DPP6: variants seen among roughly 807,000 people sequenced by gnomAD.
DPP6 encodes A-type potassium channel modulatory protein DPP6.
In DPP6, 69 loss-of-function variants were observed where a neutral mutation model predicts 122.6. The ratio of observed to expected loss-of-function variants is 0.56; its 90% CI spans 0.46 to 0.69. The LOEUF is 0.69. Among genes scored for constraint, DPP6 ranks in the 30% least tolerant of loss-of-function variants. The probability of loss-of-function intolerance (pLI) is 0.00; values close to 1 mark genes in which losing one functional copy is unlikely to be tolerated. For missense variants in DPP6, 928 were observed against 1,116.9 expected (o/e 0.83, Z 2.41); for synonymous variants, 418 against 433.1 (o/e 0.97, Z 0.43).
intron 1 of DPP6, among the ~76,000 whole-genome samples, chr7:153,900,517 C>G (rs1799600547): frequency 6.6e-6 from 1 of 152,110 alleles, no homozygotes; most frequent in African/African-American, 2.4e-5. Context: ...GTAGAAATCA[C>G]ATGGCCATAG....
chr7:154,497,721 T>G (rs551641694), intron 3 of DPP6, among the ~76,000 whole-genome samples: 5 of 152,118 alleles, frequency 3.3e-5, no homozygotes, highest in African/African-American at 1.2e-4. Context: ...ATAGAATAAA[T>G]GTATGCCCAT....
At chr7:154,354,145 A>G (rs1245616545) in intron 1 of DPP6, among the ~76,000 whole-genome samples, 2 of 152,276 alleles carry the variant, frequency 1.3e-5, no homozygotes, top group Middle Eastern at 3.4e-3. Flanking sequence ...ACGCCTGGGG[A>G]AGTATCACTG....
At chr7:153,953,832 C>T (rs1026499797) in intron 1 of DPP6, among the ~76,000 whole-genome samples, 1 of 152,152 alleles carries the variant, frequency 6.6e-6, no homozygotes, top group Non-Finnish European at 1.5e-5. Flanking sequence ...GGCACACATA[C>T]AAAGACATTT....
At chr7:153,790,790 T>C in the DPP6 span, among the ~76,000 whole-genome samples, 1 of 152,210 alleles carries the variant, frequency 6.6e-6, no homozygotes, top group Non-Finnish European at 1.5e-5. Flanking sequence ...CCTCATAGTG[T>C]TATAAAGCTC....
At chr7:154,140,661 G>C (rs1450132277) in intron 1 of DPP6, among the ~76,000 whole-genome samples, 1 of 152,100 alleles carries the variant, frequency 6.6e-6, no homozygotes, top group African/African-American at 2.4e-5. Context: ...GCTTATTATA[G>C]AGCCAGTCTA....
At chr7:153,845,187 T>C in the DPP6 span, among the ~76,000 whole-genome samples, 2 of 152,190 alleles carry the variant, frequency 1.3e-5, no homozygotes, top group African/African-American at 4.8e-5. Flanking sequence ...ATATTAAGAA[T>C]GCTTATAGGT....
chr7:154,800,004 A>G (rs1329170816), intron 12 of DPP6, among the ~76,000 whole-genome samples: 1 of 152,210 alleles, frequency 6.6e-6, no homozygotes, highest in Non-Finnish European at 1.5e-5. Context: ...GCCAGAATTA[A>G]TTATTTATTA....
At chr7:154,589,603 T>C (rs1832683687) in intron 5 of DPP6, among the ~76,000 whole-genome samples, 1 of 152,268 alleles carries the variant, frequency 6.6e-6, no homozygotes, top group Admixed American at 6.5e-5. Context: ...ATGGGGAATG[T>C]GGCTGGTCTG....
At chr7:154,198,875 G>A (rs897067811) in intron 1 of DPP6, among the ~76,000 whole-genome samples, 6 of 152,122 alleles carry the variant, frequency 3.9e-5, no homozygotes, top group African/African-American at 7.2e-5. Flanking sequence ...GGTAAAACCC[G>A]GCTGTGTTAG....
At chr7:154,441,523 A>G (rs920535620) in intron 1 of DPP6, among the ~76,000 whole-genome samples, 1 of 152,146 alleles carries the variant, frequency 6.6e-6, no homozygotes, top group African/African-American at 2.4e-5. Context: ...TAGAGTTCTC[A>G]TTTGAATCTT....
In DPP6 at chr7:154,481,243, T is replaced by C. The variant is rs192872097; in HGVS notation, c.457+6206T>C. The stretch of plus-strand genomic sequence containing the variant: ...TCACTTTGTACTCCCTGAGGGGAAA[T>C]AATTCACCCCCACAATGTTAGGTAT... On this transcript the variant is annotated intron_variant, in intron 3 of 25. Transcript: ENST00000377770. The surrounding 1 kb of genome is among the most constrained non-coding windows in gnomAD (Gnocchi z 4.2). Among the ~76,000 whole-genome samples, 1 of 152,196 alleles carries C rather than the reference T, an allele frequency of 6.6e-6. No individual in the cohort carries two copies. The highest frequency in any genetic ancestry group is 1.9e-4 in the East Asian group (1 of 5,182).
At chr7:154,753,687 G>A (rs1297017029) in intron 8 of DPP6, among the ~76,000 whole-genome samples, 7 of 152,134 alleles carry the variant, frequency 4.6e-5, no homozygotes, top group Non-Finnish European at 8.8e-5. Flanking sequence ...TCCGTAACCC[G>A]GGAAATTTTG....
chr7:154,620,198 T>TCC, intron 5 of DPP6, among the ~76,000 whole-genome samples: 1 of 151,974 alleles, frequency 6.6e-6, no homozygotes, highest in South Asian at 2.1e-4. Context: ...TTTTTAACTC[T>TCC]GGGAAAATGT....
chr7:154,730,052 G>T (rs1490501907), intron 8 of DPP6, among the ~76,000 whole-genome samples: 1 of 152,180 alleles, frequency 6.6e-6, no homozygotes, highest in Non-Finnish European at 1.5e-5. Flanking sequence ...GAGCCTCTGG[G>T]GCTTGCCTGC....
At chr7:154,170,770 A>G (rs1585543439) in intron 1 of DPP6, among the ~76,000 whole-genome samples, 1 of 152,074 alleles carries the variant, frequency 6.6e-6, no homozygotes, top group African/African-American at 2.4e-5. Context: ...AACATACTAC[A>G]TTTTTTTCTT....
At chr7:153,948,797 A>G (rs779155197) in intron 1 of DPP6, among the ~76,000 whole-genome samples, 4 of 146,358 alleles carry the variant, frequency 2.7e-5, no homozygotes, top group Admixed American at 7.0e-5. Flanking sequence ...TATTTCCTTC[A>G]AGCAGTAATC....
intron 6 of DPP6, among the ~76,000 whole-genome samples, chr7:154,661,934 G>A (rs1348726053): frequency 1.4e-4 from 20 of 144,848 alleles, no homozygotes; most frequent in South Asian, 2.2e-4. Flanking sequence ...TCACCATGGC[G>A]TATTGGCGGT....
chr7:154,482,951 G>A (rs994762884), intron 3 of DPP6, among the ~76,000 whole-genome samples: 2 of 152,304 alleles, frequency 1.3e-5, no homozygotes, highest in South Asian at 2.1e-4. Flanking sequence ...GAAGAGTTTG[G>A]AGTGGAAGTC....
intron 21 of DPP6, chr7:154,883,447 C>A (rs1482530867): frequency 6.8e-6 from 1 of 147,686 alleles, no homozygotes; most frequent in African/African-American, 2.5e-5. Flanking sequence ...CATTCACACA[C>A]ATGCTCACCC....
Sources: gnomAD v4.1 joint callset for allele counts (sites outside exome capture counted in the v4.1 genomes callset) on GRCh38, gnomAD v4.1.1 for gene constraint, Gnocchi (gnomAD v3.1) non-coding constraint, MANE v1.5 for transcripts, NCBI Gene and HGNC (gene_info 2026-07-23, HGNC 2026-07-21) for gene names.